The following CNTNAP2 variants were observed in gnomAD, a reference collection of about 807,000 sequenced individuals.
CNTNAP2 encodes the protein contactin associated protein 2, also known as contactin-associated protein-like 2.
CNTNAP2 carries 98 observed loss-of-function variants against 155.2 expected under a neutral mutation model. That is an observed-to-expected ratio of 0.63 (90% CI 0.54 to 0.75). CNTNAP2 has a LOEUF of 0.75. CNTNAP2 is among the 30% of genes least tolerant of loss of function. The pLI is 0.00. For synonymous variants in CNTNAP2, 651 were observed against 631.2 expected (o/e 1.03, Z -0.47); for missense variants, 1,727 against 1,688.1 (o/e 1.02, Z -0.40).
intron 15 of CNTNAP2, among the ~76,000 whole-genome samples, chr7:148,005,616 T>C (rs749451097): frequency 1.3e-5 from 2 of 151,916 alleles, no homozygotes; most frequent in Non-Finnish European, 2.9e-5. Flanking sequence ...AATGTGCAGA[T>C]GTCATAAACT....
At chr7:147,276,418 C>A (rs1184229059) in intron 8 of CNTNAP2, among the ~76,000 whole-genome samples, 1 of 151,846 alleles carries the variant, frequency 6.6e-6, no homozygotes, top group Non-Finnish European at 1.5e-5. Context: ...CAATTAAGAC[C>A]AATAAAATGT....
At chr7:146,919,095 A>C (rs1796449505) in intron 3 of CNTNAP2, among the ~76,000 whole-genome samples, 1 of 151,796 alleles carries the variant, frequency 6.6e-6, no homozygotes, top group Non-Finnish European at 1.5e-5. Context: ...ATCCTGTATC[A>C]TTTTTTTGAC....
At chr7:147,388,232 T>TA (rs2116437348) in intron 9 of CNTNAP2, among the ~76,000 whole-genome samples, 1 of 152,348 alleles carries the variant, frequency 6.6e-6, no homozygotes, top group East Asian at 1.9e-4. Flanking sequence ...TGTGTCATTC[T>TA]GACATGACCC....
chr7:147,379,747 A>G (rs1037956657), intron 9 of CNTNAP2, among the ~76,000 whole-genome samples: 15 of 152,004 alleles, frequency 9.9e-5, no homozygotes, highest in African/African-American at 3.6e-4. Context: ...TTTAGGTTTT[A>G]TGTGGTGGGG....
At chr7:147,234,465 G>T (rs1431849101) in intron 8 of CNTNAP2, among the ~76,000 whole-genome samples, 1 of 150,714 alleles carries the variant, frequency 6.6e-6, no homozygotes, top group Non-Finnish European at 1.5e-5. Flanking sequence ...AGCCTCCAGA[G>T]TAGCTGGGAC....
chr7:147,540,840 G>A (rs1368745581), intron 11 of CNTNAP2, among the ~76,000 whole-genome samples: 4 of 142,242 alleles, frequency 2.8e-5, no homozygotes, highest in African/African-American at 1.0e-4. Context: ...AAAAAAAAAA[G>A]AAACAAGTTA....
intron 1 of CNTNAP2, among the ~76,000 whole-genome samples, chr7:146,526,908 AC>A (rs1797699121): frequency 6.6e-6 from 1 of 151,950 alleles, no homozygotes; most frequent in Non-Finnish European, 1.5e-5. Flanking sequence ...TGGATTTAAA[AC>A]TTTTTATTAC....
intron 10 of CNTNAP2, among the ~76,000 whole-genome samples, chr7:147,457,473 T>A (rs970486892): frequency 3.3e-5 from 5 of 150,568 alleles, no homozygotes; most frequent in Non-Finnish European, 7.4e-5. Flanking sequence ...CCCTGAACCT[T>A]GCTGTATTTC....
At chr7:147,161,288 A>G (rs925457468) in intron 8 of CNTNAP2, among the ~76,000 whole-genome samples, 6 of 152,132 alleles carry the variant, frequency 3.9e-5, no homozygotes, top group African/African-American at 1.4e-4. Flanking sequence ...CATAATTTGG[A>G]GAATGTGGGA....
At chr7:147,280,622 G>T (rs1805014053) in intron 8 of CNTNAP2, among the ~76,000 whole-genome samples, 1 of 151,756 alleles carries the variant, frequency 6.6e-6, no homozygotes, top group Middle Eastern at 3.2e-3. Context: ...AAGCTAGCAA[G>T]AAAGACTAAT....
intron 1 of CNTNAP2, among the ~76,000 whole-genome samples, chr7:146,150,800 C>T (rs945394956): frequency 2.6e-5 from 4 of 151,754 alleles, no homozygotes; most frequent in African/African-American, 9.7e-5. Context: ...TGCTTATTAC[C>T]ATATATATAT....
chr7:147,756,588 T>A (rs1011989642), intron 13 of CNTNAP2, among the ~76,000 whole-genome samples: 1 of 152,146 alleles, frequency 6.6e-6, no homozygotes, highest in African/African-American at 2.4e-5. Context: ...AGTGAATTAA[T>A]CATCATTAAA....
chr7:147,488,181 G>A (rs1798543146), intron 11 of CNTNAP2, among the ~76,000 whole-genome samples: 1 of 152,196 alleles, frequency 6.6e-6, no homozygotes, highest in Non-Finnish European at 1.5e-5. Context: ...ACAAATGTAA[G>A]AAGATACAAT....
At chr7:147,406,778 A>G (rs1179374607) in intron 10 of CNTNAP2, among the ~76,000 whole-genome samples, 1 of 152,242 alleles carries the variant, frequency 6.6e-6, no homozygotes, top group Non-Finnish European at 1.5e-5. Context: ...TGGTTTTGAA[A>G]AATGAGTCTG....
rs571785830 is a variant in CNTNAP2 at position 147,118,386 on chromosome 7, A to C, written c.755-2593A>C. Among the ~76,000 whole-genome samples the C allele has an allele frequency of 9.8e-5, 15 of 152,346 alleles. No homozygotes were observed. In the South Asian group the frequency reaches 3.1e-3, roughly 32 times the overall value. On this transcript the variant is annotated intron_variant, in intron 5 of 23. Coordinates refer to ENST00000361727, the MANE Select transcript of CNTNAP2 (RefSeq NM_014141.6). ...AATTACAATGTCAAAAATTGGGAAAAAATTAAACACATAGAAATATGTTGA... is the reference window on the plus strand; with the variant it reads ...AATTACAATGTCAAAAATTGGGAAACAATTAAACACATAGAAATATGTTGA...
intron 2 of CNTNAP2, among the ~76,000 whole-genome samples, chr7:146,826,442 C>T (rs1268640337): frequency 6.6e-6 from 1 of 152,054 alleles, no homozygotes. Context: ...AGCCAGCTTC[C>T]CGGGTCCCTT....
intron 13 of CNTNAP2, among the ~76,000 whole-genome samples, chr7:147,864,931 CTGAT>C (rs1459185490): frequency 2.6e-5 from 4 of 152,120 alleles, no homozygotes; most frequent in African/African-American, 9.7e-5. Flanking sequence ...TTTCTCCTGC[CTGAT>C]TGCCCTGGCC....
At chr7:147,660,310 A>G (rs1024307617) in intron 13 of CNTNAP2, among the ~76,000 whole-genome samples, 1 of 152,134 alleles carries the variant, frequency 6.6e-6, no homozygotes, top group South Asian at 2.1e-4. Flanking sequence ...TTCCTCCTAC[A>G]GTTTTCTGAG....
chr7:148,106,493 GATATATATAT>G (rs10532740), intron 15 of CNTNAP2, among the ~76,000 whole-genome samples: 2 of 124,926 alleles, frequency 1.6e-5, no homozygotes, highest in African/African-American at 3.5e-5. Flanking sequence ...CACACTTTGA[GATATATATAT>G]ATATATATAT....
Sources: gnomAD v4.1 joint callset for allele counts (sites outside exome capture counted in the v4.1 genomes callset) on GRCh38, gnomAD v4.1.1 for gene constraint, MANE v1.5 for transcripts, NCBI Gene and HGNC (gene_info 2026-07-23, HGNC 2026-07-21) for gene names.